Variants in PATL2 observed in about 807,000 individuals in gnomAD.
PATL2 encodes the protein protein PAT1 homolog 2.
In PATL2, 73 loss-of-function variants were observed where a neutral mutation model predicts 77.0. The observed-to-expected ratio is 0.95, with a 90% CI of 0.78 to 1.15. The LOEUF (loss-of-function observed/expected upper bound fraction) is 1.15, where lower values mean the gene tolerates loss of function less well. Among genes scored for constraint, PATL2 ranks in the 50% most tolerant of loss-of-function variants. The pLI is 0.00. For synonymous variants in PATL2, 265 were observed against 257.1 expected (o/e 1.03, Z -0.29); for missense variants, 618 against 655.4 (o/e 0.94, Z 0.62).
rs374729545 is a variant in PATL2 at position 44,704,155 on chromosome 15, ATTTTTTT to A, written c.-76+5934_-76+5940del. ...AGGTGAGTGCCACTATGTCTGGCTA[ATTTTTTT>A]TTTTTTTTTTTGGTAGAGACAAGCA... On this transcript the variant is annotated intron_variant, in intron 3 of 17. Coordinates refer to ENST00000682850, the MANE Select transcript of PATL2 (RefSeq NM_001387263.1). Among the ~76,000 whole-genome samples, 4 of 134,044 alleles carry A rather than the reference ATTTTTTT, an allele frequency of 3.0e-5. No individual in the cohort carries two copies. In the Admixed American group the frequency reaches 3.0e-4, roughly 10 times the overall value. The allele number at this position is 134,044 out of a possible 152,430, so 87.9% of individuals were successfully genotyped here.
At chr15:44,707,179 C>A (rs764876417) in intron 3 of PATL2, among the ~76,000 whole-genome samples, 7 of 152,054 alleles carry the variant, frequency 4.6e-5, no homozygotes, top group African/African-American at 7.2e-5. Context: ...CAGAGCAGGT[C>A]CAGGAATGCT....
At chr15:44,705,558 TTTTTC>T (rs1418414105) in intron 3 of PATL2, among the ~76,000 whole-genome samples, 2 of 152,112 alleles carry the variant, frequency 1.3e-5, no homozygotes, top group Non-Finnish European at 2.9e-5. Flanking sequence ...TTTTTATTCT[TTTTTC>T]TTTTGTCTCT....
intron 3 of PATL2, among the ~76,000 whole-genome samples, chr15:44,699,629 T>G (rs1169460899): frequency 6.6e-6 from 1 of 152,200 alleles, no homozygotes; most frequent in Non-Finnish European, 1.5e-5. Flanking sequence ...TGAGCCACCA[T>G]GCCCAGCCAG....
intron 3 of PATL2, among the ~76,000 whole-genome samples, chr15:44,689,768 G>A (rs2086345691): frequency 6.6e-6 from 1 of 152,124 alleles, no homozygotes; most frequent in African/African-American, 2.4e-5. Context: ...GTAGATGACT[G>A]GTTGATGGGT....
chr15:44,667,158 G>T lies in PATL2; in HGVS notation c.1411C>A (p.Leu471Met). ...LYALLSHGEQ[L>M]VSLHSSLEEP... ...TCTAGGGAAGAATGCAGCGATACCA[G>T]TTGCTCCCCATGGCTCAGCAGGGCA... Residue 471 changes from leucine (L) to methionine (M), a missense_variant, in exon 16 of 18, where the codon CTG becomes ATG. Physicochemically the swap from Leu to Met is conservative, Grantham distance 15. Coordinates refer to ENST00000682850, the MANE Select transcript of PATL2 (RefSeq NM_001387263.1). 4.5e-6 allele frequency: 7 copies of T among 1,551,680 alleles called. No homozygotes were observed. The highest frequency in any genetic ancestry group is 6.1e-6 in the Non-Finnish European group (7 of 1,146,982).
intron 3 of PATL2, among the ~76,000 whole-genome samples, chr15:44,684,201 T>C (rs945739337): frequency 6.6e-6 from 1 of 151,860 alleles, no homozygotes; most frequent in African/African-American, 2.4e-5. Flanking sequence ...CTCCAAAGGA[T>C]CACAACTCCT....
At chr15:44,696,739 CT>C (rs960289492) in intron 3 of PATL2, among the ~76,000 whole-genome samples, 55 of 152,052 alleles carry the variant, frequency 3.6e-4, no homozygotes, top group African/African-American at 1.3e-3. Flanking sequence ...AAAAATCTCC[CT>C]CTTTGTGTTC....
rs530393392 is a variant in PATL2 at position 44,678,182 on chromosome 15, G to A, written c.-75-1617C>T. Among the ~76,000 whole-genome samples the A allele has an allele frequency of 2.0e-5, 3 of 152,196 alleles. No individual in the cohort carries two copies. The South Asian group carries it at 6.2e-4, about 32-fold the overall frequency. On this transcript the variant is annotated intron_variant, in intron 3 of 17. Coordinates refer to ENST00000682850, the MANE Select transcript of PATL2 (RefSeq NM_001387263.1). Reference sequence around the variant, plus strand: ...CTGGCCTTTTTGGTAATGTTATTCAGCTGTTTCTCTCAGGAACTTCCTAAT... The same window carrying A: ...CTGGCCTTTTTGGTAATGTTATTCAACTGTTTCTCTCAGGAACTTCCTAAT...
In PATL2 at chr15:44,678,241, A is replaced by G. The variant is rs550184690; in HGVS notation, c.-75-1676T>C. 6.6e-5 allele frequency among the ~76,000 whole-genome samples: 10 copies of G among 152,254 alleles called. No individual in the cohort carries two copies. The East Asian group carries it at 1.7e-3, about 26-fold the overall frequency. ...TTAGCACTATTAACAAAAGGACCACATGGTGAATTTCAGTGTTCCAGAGGT... is the reference window on the plus strand; with the variant it reads ...TTAGCACTATTAACAAAAGGACCACGTGGTGAATTTCAGTGTTCCAGAGGT... On this transcript the variant is annotated intron_variant, in intron 3 of 17. Coordinates refer to ENST00000682850, the MANE Select transcript of PATL2 (RefSeq NM_001387263.1).
In PATL2 at chr15:44,673,284, C is replaced by T. The variant is rs1179687029; in HGVS notation, c.397G>A (p.Asp133Asn). 5 of 1,551,626 alleles carry T rather than the reference C, an allele frequency of 3.2e-6. No homozygotes were observed. The highest frequency in any genetic ancestry group is 4.4e-6 in the Non-Finnish European group (5 of 1,146,978). ...QHFGPRLPSP[D>N]PTLFCSLLTS... ...AGCAGGCTGCAGAAGAGAGTTGGGT[C>T]TGGTGAGGGCAGCCGAGGTCCAAAG... Residue 133 changes from aspartate (D) to asparagine (N), a missense_variant, in exon 7 of 18, where the codon GAC becomes AAC. Coordinates refer to ENST00000682850, the MANE Select transcript of PATL2 (RefSeq NM_001387263.1).
intron 14 of PATL2, 49 bp from the exon 15 acceptor site, chr15:44,668,531 T>G (rs1566847874): frequency 6.5e-7 from 1 of 1,533,944 alleles, no homozygotes; most frequent in Admixed American, 2.0e-5. Flanking sequence ...CAACTTCACC[T>G]CCCCTTACCT....
At chr15:44,666,011 C>T (rs1444673033) in intron 17 of PATL2, 40 bp from the exon 18 acceptor site, 13 of 1,476,222 alleles carry the variant, frequency 8.8e-6, no homozygotes, top group Non-Finnish European at 1.2e-5. Context: ...CACAATTCTA[C>T]TTTGCAAGTA....
At chr15:44,702,587 T>G (rs2086652242) in intron 3 of PATL2, among the ~76,000 whole-genome samples, 1 of 152,010 alleles carries the variant, frequency 6.6e-6, no homozygotes, top group African/African-American at 2.4e-5. Flanking sequence ...TGTTGTTTAT[T>G]TGAAGTTTTT....
In PATL2 at chr15:44,702,732, T is replaced by TA. The variant is rs557074616; in HGVS notation, c.-76+7363dup. On this transcript the variant is annotated intron_variant, in intron 3 of 17. Transcript: ENST00000682850. ...TCCAGAATTTAAAAAATTTCCTTCT[T>TA]AATTTCTTTGTTGACCCACAGTCAC... Among the ~76,000 whole-genome samples the TA allele has an allele frequency of 3.0e-4, 45 of 152,156 alleles. No homozygotes were observed. The South Asian group carries it at 8.5e-3, about 29-fold the overall frequency.
chr15:44,668,657 A>T (rs1249561734), intron 14 of PATL2, among the ~76,000 whole-genome samples, 175 bp from the exon 15 acceptor site: 1 of 152,018 alleles, frequency 6.6e-6, no homozygotes. Context: ...TTCGGTACCT[A>T]CTTGTCCTAG....
intron 2 of PATL2, among the ~76,000 whole-genome samples, chr15:44,710,590 A>G (rs1256031944): frequency 1.3e-5 from 2 of 152,196 alleles, no homozygotes; most frequent in East Asian, 3.8e-4. Flanking sequence ...CTAGTCTCTT[A>G]GCCTTTGTTT....
chr15:44,666,815 G>C, intron 16 of PATL2: 9 of 517,452 alleles, frequency 1.7e-5, no homozygotes, highest in Non-Finnish European at 3.4e-6. Context: ...AGAAGTGAAA[G>C]AACTTGCCCT....
intron 2 of PATL2, among the ~76,000 whole-genome samples, 74 bp from the exon 3 acceptor site, chr15:44,710,288 G>A (rs1010826806): frequency 6.6e-6 from 1 of 152,190 alleles, no homozygotes; most frequent in Non-Finnish European, 1.5e-5. Context: ...CCTTTCAACT[G>A]AAAACCATGG....
At chr15:44,668,887 C>G in intron 14 of PATL2, 93 bp downstream of exon 14, 2 of 1,394,458 alleles carry the variant, frequency 1.4e-6, no homozygotes, top group Non-Finnish European at 1.9e-6. Context: ...AGCACCTTCT[C>G]TGGCATCTCT....
Sources: allele counts gnomAD v4.1 joint callset (sites outside exome capture counted in the v4.1 genomes callset), GRCh38; gene constraint gnomAD v4.1.1; transcripts MANE v1.5; gene names NCBI Gene and HGNC (gene_info 2026-07-23, HGNC 2026-07-21).